GRIP1: variants seen among roughly 807,000 people sequenced by gnomAD.
The protein encoded by GRIP1 is glutamate receptor interacting protein 1, also known as glutamate receptor-interacting protein 1.
Under a neutral mutation model 129.9 loss-of-function variants are expected in GRIP1, and 45 were observed. The observed-to-expected ratio is 0.35, with a 90% CI of 0.27 to 0.44. GRIP1 has a LOEUF of 0.44. Among genes scored for constraint, GRIP1 ranks in the 20% least tolerant of loss-of-function variants. GRIP1 has a pLI of 1.00. For missense variants in GRIP1, 1,196 were observed against 1,396.8 expected (o/e 0.86, Z 2.29); for synonymous variants, 530 against 520.8 (o/e 1.02, Z -0.24).
intron 1 of GRIP1, among the ~76,000 whole-genome samples, chr12:66,923,752 A>T (rs2137371645): frequency 6.6e-6 from 1 of 152,310 alleles, no homozygotes; most frequent in African/African-American, 2.4e-5. Context: ...CCCTTACCCT[A>T]AGTTTCAATT....
chr12:66,707,489 C>T lies in GRIP1; in HGVS notation c.-419-77153G>A, dbSNP rs115668993. Reference sequence around the variant, plus strand: ...ACAGACCTTGTGATTTAACTGTCTGCGCCAATCACTGACTAAAAAAAAAAA... The same window carrying T: ...ACAGACCTTGTGATTTAACTGTCTGTGCCAATCACTGACTAAAAAAAAAAA... On this transcript the variant is annotated intron_variant, in intron 1 of 4. Transcript: ENST00000538373. Among the ~76,000 whole-genome samples the T allele has an allele frequency of 3.9e-3, 530 of 136,716 alleles. 1 individual carries two copies. Among genetic ancestry groups the T allele is most frequent in the African/African-American group, 0.013 (454 of 36,312 alleles). The allele number at this position is 136,716 out of a possible 152,430, so 89.7% of individuals were successfully genotyped here.
chr12:66,948,229 C>T (rs1253576290), intron 1 of GRIP1, among the ~76,000 whole-genome samples: 1 of 152,124 alleles, frequency 6.6e-6, no homozygotes, highest in Non-Finnish European at 1.5e-5. Context: ...CATTATATAT[C>T]CTTCTGGAGG....
chr12:66,773,885 T>C (rs1276650094), intron 1 of GRIP1, among the ~76,000 whole-genome samples: 1 of 152,138 alleles, frequency 6.6e-6, no homozygotes. Flanking sequence ...AGGCAGCTCT[T>C]AGTGCTTTAG....
At chr12:66,626,142 T>G (rs1349256825) in intron 1 of GRIP1, among the ~76,000 whole-genome samples, 1 of 152,050 alleles carries the variant, frequency 6.6e-6, no homozygotes, top group Non-Finnish European at 1.5e-5. Flanking sequence ...CTGGGCAACT[T>G]GGTGAAACCC....
chr12:66,712,918 T>C (rs946329147), intron 1 of GRIP1, among the ~76,000 whole-genome samples: 3 of 152,016 alleles, frequency 2.0e-5, no homozygotes, highest in Non-Finnish European at 2.9e-5. Flanking sequence ...AGGGGCTACA[T>C]CTTTTTCATC....
intron 13 of GRIP1, among the ~76,000 whole-genome samples, chr12:66,433,504 A>C (rs2058211273): frequency 6.6e-6 from 1 of 152,234 alleles, no homozygotes; most frequent in South Asian, 2.1e-4. Flanking sequence ...TATCAAGGCA[A>C]CAGAGAGAGA....
chr12:66,863,419 G>A (rs997457604), intron 1 of GRIP1, among the ~76,000 whole-genome samples: 2 of 152,130 alleles, frequency 1.3e-5, no homozygotes, highest in African/African-American at 4.8e-5. Flanking sequence ...TAAGAAGCAA[G>A]ATAAAGCAAG....
chr12:66,648,823 A>G (rs2032568231), intron 1 of GRIP1, among the ~76,000 whole-genome samples: 3 of 152,218 alleles, frequency 2.0e-5, no homozygotes, highest in African/African-American at 7.2e-5. Context: ...GACGTTTTCT[A>G]TATCCACTTA....
intron 1 of GRIP1, among the ~76,000 whole-genome samples, chr12:66,750,827 A>AG (rs1214763088): frequency 1.3e-5 from 2 of 152,214 alleles, no homozygotes; most frequent in Non-Finnish European, 2.9e-5. Context: ...CCTGTGAAAT[A>AG]GGGGTTAAGT....
chr12:66,507,155 T>C (rs1006537208), intron 7 of GRIP1, among the ~76,000 whole-genome samples: 8 of 152,318 alleles, frequency 5.3e-5, no homozygotes, highest in African/African-American at 1.9e-4. Context: ...TGATAAAGTA[T>C]GGGCCATGCG....
At chr12:66,690,300 A>G (rs2034935249) in intron 1 of GRIP1, among the ~76,000 whole-genome samples, 1 of 152,008 alleles carries the variant, frequency 6.6e-6, no homozygotes, top group Admixed American at 6.6e-5. Flanking sequence ...TTCACTTAAC[A>G]TAATATCCTC....
At chr12:66,989,754 T>C (rs1400643591) in intron 1 of GRIP1, among the ~76,000 whole-genome samples, 1 of 152,164 alleles carries the variant, frequency 6.6e-6, no homozygotes, top group Non-Finnish European at 1.5e-5. Flanking sequence ...TATTAACTTG[T>C]TTATAGGAAA....
chr12:66,437,493 G>T (rs1282520004), intron 13 of GRIP1, among the ~76,000 whole-genome samples: 1 of 152,134 alleles, frequency 6.6e-6, no homozygotes, highest in Admixed American at 6.5e-5. Flanking sequence ...TTACTTTCTG[G>T]AACAATCAAG....
intron 1 of GRIP1, among the ~76,000 whole-genome samples, chr12:66,706,474 T>C (rs1486658479): frequency 1.3e-5 from 2 of 152,132 alleles, no homozygotes; most frequent in African/African-American, 4.8e-5. Context: ...CTCAAGGATC[T>C]AGAATCAGAA....
At chr12:66,828,833 G>A (rs2039464661) in intron 1 of GRIP1, among the ~76,000 whole-genome samples, 1 of 152,172 alleles carries the variant, frequency 6.6e-6, no homozygotes. Flanking sequence ...CTCATTAAGG[G>A]AAGGGATTTA....
intron 1 of GRIP1, among the ~76,000 whole-genome samples, chr12:66,718,535 T>C (rs17827054): frequency 0.062 from 9,444 of 152,228 alleles, 348 homozygotes; most frequent in East Asian, 0.11. Context: ...GCAGATTTCC[T>C]TCTTGCAGAA....
intron 2 of GRIP1, chr12:66,563,626 T>C (rs1365721771): frequency 6.2e-6 from 1 of 161,378 alleles, no homozygotes; most frequent in Non-Finnish European, 1.4e-5. Context: ...GAGACAAGCT[T>C]ATTTCATGAA....
chr12:66,574,227 G>A (rs1036983871), intron 2 of GRIP1, among the ~76,000 whole-genome samples: 6 of 152,200 alleles, frequency 3.9e-5, no homozygotes, highest in Admixed American at 1.3e-4. Context: ...GATAGGCAGC[G>A]TCAATTCACT....
intron 1 of GRIP1, among the ~76,000 whole-genome samples, chr12:66,677,652 A>T (rs1339805319): frequency 6.6e-6 from 1 of 152,258 alleles, no homozygotes; most frequent in African/African-American, 2.4e-5. Flanking sequence ...CTTTTAAAGG[A>T]CTCACTCTGC....
Sources: gnomAD v4.1 joint callset for allele counts (sites outside exome capture counted in the v4.1 genomes callset) on GRCh38, gnomAD v4.1.1 for gene constraint, MANE v1.5 for transcripts, NCBI Gene and HGNC (gene_info 2026-07-23, HGNC 2026-07-21) for gene names.